Variants in ALOX5 observed in about 807,000 individuals in gnomAD.
ALOX5 encodes polyunsaturated fatty acid 5-lipoxygenase.
A neutral mutation model predicts 87.9 loss-of-function variants in ALOX5; 64 were observed. The ratio of observed to expected loss-of-function variants is 0.73; its 90% CI spans 0.60 to 0.90. The LOEUF is 0.90. ALOX5 is among the 40% of genes least tolerant of loss of function. The pLI, the probability that ALOX5 is intolerant of heterozygous loss-of-function variation, is 0.00. For missense variants in ALOX5, 822 were observed against 907.5 expected (o/e 0.91, Z 1.21); for synonymous variants, 388 against 355.1 (o/e 1.09, Z -1.04).
intron 4 of ALOX5, among the ~76,000 whole-genome samples, chr10:45,419,271 G>A (rs926609239): frequency 2.6e-5 from 4 of 151,992 alleles, no homozygotes; most frequent in Admixed American, 2.0e-4. Context: ...CAGACCACGC[G>A]GAAGAGGCCG....
At chr10:45,445,464 G>C in intron 13 of ALOX5, 44 bp from the exon 14 acceptor site, 2 of 1,587,674 alleles carry the variant, frequency 1.3e-6, no homozygotes, top group Non-Finnish European at 1.7e-6. Flanking sequence ...AGTTTACACG[G>C]GTAGTGGATT....
chr10:45,390,491 C>G (rs1840178599), intron 2 of ALOX5, among the ~76,000 whole-genome samples: 1 of 152,224 alleles, frequency 6.6e-6, no homozygotes, highest in Non-Finnish European at 1.5e-5. Context: ...AACAAACTGT[C>G]TCTCAGACCA....
chr10:45,412,368 G>A (rs1841097577), intron 4 of ALOX5, 55 bp downstream of exon 4: 18 of 1,604,372 alleles, frequency 1.1e-5, no homozygotes, highest in Non-Finnish European at 1.5e-5. Context: ...GCTGGTGCTG[G>A]GGGTGGAACC....
At chr10:45,403,167 C>T (rs752431961) in intron 3 of ALOX5, among the ~76,000 whole-genome samples, 2 of 152,128 alleles carry the variant, frequency 1.3e-5, no homozygotes, top group Admixed American at 6.5e-5. Flanking sequence ...TGTGCATGTG[C>T]GCCTGGATAC....
At chr10:45,442,135 G>T (rs1842255675) in intron 9 of ALOX5, among the ~76,000 whole-genome samples, 1 of 152,206 alleles carries the variant, frequency 6.6e-6, no homozygotes, top group Non-Finnish European at 1.5e-5. Context: ...AGGGTCGGGG[G>T]CCTCAGCCAG....
At chr10:45,443,631 C>G (rs115074210) in intron 11 of ALOX5, 94 bp downstream of exon 11, 1 of 1,594,880 alleles carries the variant, frequency 6.3e-7, no homozygotes, top group Non-Finnish European at 8.5e-7. Context: ...CCCAGGGTGC[C>G]CTCCGGCCTT....
intron 1 of ALOX5, among the ~76,000 whole-genome samples, chr10:45,380,359 A>G (rs571027264): frequency 6.6e-6 from 1 of 152,354 alleles, no homozygotes; most frequent in African/African-American, 2.4e-5. Flanking sequence ...GAGCACAGGG[A>G]GGAAGCTTCC....
intron 7 of ALOX5, among the ~76,000 whole-genome samples, chr10:45,437,757 C>T (rs74130835): frequency 0.036 from 5,437 of 152,240 alleles, 336 homozygotes; most frequent in African/African-American, 0.12. Context: ...ATTAGCCAGT[C>T]GGGTTTTAGT....
At chr10:45,434,031 T>C (rs989272813) in intron 7 of ALOX5, among the ~76,000 whole-genome samples, 5 of 152,350 alleles carry the variant, frequency 3.3e-5, no homozygotes, top group Admixed American at 1.3e-4. Flanking sequence ...TGTTACCCTC[T>C]TGTTTGTCAA....
chr10:45,413,822 G>A (rs1056989770), intron 4 of ALOX5, among the ~76,000 whole-genome samples: 42 of 152,290 alleles, frequency 2.8e-4, no homozygotes, highest in Middle Eastern at 3.4e-3. Context: ...CAAATCATGA[G>A]TGAACTCCCA....
rs560031203 is a variant in ALOX5, at chr10:45,412,228, G to A, written c.469G>A (p.Asp157Asn). ...EWNPGFPLSIDAKCHKDLPRD... is the reference protein window; with the variant it reads ...EWNPGFPLSINAKCHKDLPRD... ...GAACCCTGGCTTCCCCTTGAGCATC[G>A]ATGCCAAATGCCACAAGGATTTACC... Residue 157 changes from aspartate to asparagine, a missense_variant, in exon 4 of 14, where the codon GAT becomes AAT. Physicochemically the swap from Asp to Asn is conservative, Grantham distance 23. Transcript: ENST00000374391. 12 of 1,613,968 alleles carry A rather than the reference G, an allele frequency of 7.4e-6. No homozygotes were observed. Among genetic ancestry groups the A allele is most frequent in the Middle Eastern group, 1.6e-4 (1 of 6,084 alleles).
intron 1 of ALOX5, among the ~76,000 whole-genome samples, chr10:45,374,963 GA>G (rs1839544757): frequency 6.6e-6 from 1 of 152,098 alleles, no homozygotes; most frequent in Admixed American, 6.5e-5. Flanking sequence ...GTCCAGACAT[GA>G]CCACCAGCTC....
intron 1 of ALOX5, among the ~76,000 whole-genome samples, chr10:45,375,792 T>G (rs1162828756): frequency 6.6e-6 from 1 of 152,160 alleles, no homozygotes; most frequent in East Asian, 1.9e-4. Context: ...AAGAGTTAGG[T>G]GTTGAGTACA....
chr10:45,424,320 C>G (rs1443606638), intron 5 of ALOX5, among the ~76,000 whole-genome samples, 173 bp downstream of exon 5: 3 of 152,216 alleles, frequency 2.0e-5, no homozygotes, highest in Non-Finnish European at 2.9e-5. Context: ...TTTACCATCA[C>G]TGTGGTCACC....
At position 45,374,265 on chromosome 10, in the gene ALOX5, C is replaced by T. The variant is rs4987106; in HGVS notation, c.-15C>T. On this transcript the variant is annotated 5_prime_UTR_variant, in exon 1 of 14. Coordinates refer to ENST00000374391, the MANE Select transcript of ALOX5 (RefSeq NM_000698.5). ...GCCGAGGCTCCCGGCGCTCGCTGCTCCCGCGGCCCGCGCCATGCCCTCCTA... is the reference window on the plus strand; with the variant it reads ...GCCGAGGCTCCCGGCGCTCGCTGCTTCCGCGGCCCGCGCCATGCCCTCCTA... 1.4e-6 allele frequency: 2 copies of T among 1,463,036 alleles called. No homozygotes were observed. The highest frequency in any genetic ancestry group is 1.8e-6 in the Non-Finnish European group (2 of 1,106,740). The allele number at this position is 1,463,036 out of a possible 1,614,324, so 90.6% of individuals were successfully genotyped here. A position where few individuals can be genotyped will look rare whatever the true frequency, so the allele number is the denominator to read the frequency against.
chr10:45,388,980 A>C (rs1485379981), intron 2 of ALOX5, among the ~76,000 whole-genome samples: 3 of 152,182 alleles, frequency 2.0e-5, no homozygotes, highest in African/African-American at 7.2e-5. Flanking sequence ...AGAATAACCA[A>C]TGTAGAGAAG....
At chr10:45,382,374 C>A in intron 1 of ALOX5, 109 bp from the exon 2 acceptor site, 1 of 1,137,128 alleles carries the variant, frequency 8.8e-7, no homozygotes, top group South Asian at 1.3e-5. Flanking sequence ...TTTCATTCAA[C>A]GTAGTCCCTG....
intron 1 of ALOX5, among the ~76,000 whole-genome samples, chr10:45,377,169 GCTT>G (rs1346000359): frequency 6.6e-6 from 1 of 152,148 alleles, no homozygotes; most frequent in Non-Finnish European, 1.5e-5. Flanking sequence ...AATGATTCAT[GCTT>G]CTTAAGTCAG....
chr10:45,424,561 T>G (rs1258748218), intron 5 of ALOX5, among the ~76,000 whole-genome samples: 1 of 152,192 alleles, frequency 6.6e-6, no homozygotes, highest in East Asian at 1.9e-4. Flanking sequence ...AGCTTCATAG[T>G]GGCCAGTCAT....
Sources: allele counts gnomAD v4.1 joint callset (sites outside exome capture counted in the v4.1 genomes callset), GRCh38; gene constraint gnomAD v4.1.1; transcripts MANE v1.5; gene names NCBI Gene and HGNC (gene_info 2026-07-23, HGNC 2026-07-21).